The following CTNNA3 variants were observed in gnomAD, a reference collection of about 807,000 sequenced individuals.
The protein encoded by CTNNA3 is catenin alpha 3.
A neutral mutation model predicts 95.7 loss-of-function variants in CTNNA3; 76 were observed. The observed-to-expected ratio is 0.79, with a 90% CI of 0.66 to 0.96. The LOEUF (loss-of-function observed/expected upper bound fraction) is 0.96. Among genes scored for constraint, CTNNA3 ranks in the 40% least tolerant of loss-of-function variants. The pLI is 0.00. For missense variants in CTNNA3, 1,191 were observed against 1,089.8 expected, an observed-to-expected ratio of 1.09 and a Z score of -1.31; for synonymous variants, 431 against 374.4, an observed-to-expected ratio of 1.15 and a Z score of -1.74.
chr10:67,694,853 T>A (rs1328081912), intron 1 of CTNNA3, among the ~76,000 whole-genome samples: 4 of 152,174 alleles, frequency 2.6e-5, no homozygotes, highest in Non-Finnish European at 5.9e-5. Context: ...AATGCTTTTA[T>A]AATGAAAAAA....
intron 13 of CTNNA3, among the ~76,000 whole-genome samples, chr10:66,269,558 T>G (rs1255968834): frequency 6.6e-6 from 1 of 152,222 alleles, no homozygotes; most frequent in Non-Finnish European, 1.5e-5. Context: ...TTTTATGACT[T>G]TAATTAAATT....
chr10:67,083,078 G>A (rs1285530654), intron 7 of CTNNA3, among the ~76,000 whole-genome samples: 3 of 152,022 alleles, frequency 2.0e-5, no homozygotes, highest in Non-Finnish European at 2.9e-5. Flanking sequence ...GTGTGATCAG[G>A]GGACCAGTGA....
intron 7 of CTNNA3, among the ~76,000 whole-genome samples, chr10:67,089,717 A>ATGTGTGTGTGTGTGTGTGTGTGTGTGTG (rs71006125): frequency 6.9e-6 from 1 of 144,648 alleles, no homozygotes; most frequent in East Asian, 2.1e-4. Context: ...GTATATACAT[A>ATGTGTGTGTGTGTGTGTGTGTGTGTGTG]TGTGTGTGTG....
At chr10:67,504,655 C>T (rs1839378023) in intron 5 of CTNNA3, among the ~76,000 whole-genome samples, 1 of 152,072 alleles carries the variant, frequency 6.6e-6, no homozygotes, top group African/African-American at 2.4e-5. Flanking sequence ...TTGGTTAATA[C>T]CAAGTCTAAC....
intron 5 of CTNNA3, among the ~76,000 whole-genome samples, chr10:67,427,733 G>A (rs1056745424): frequency 5.9e-5 from 9 of 151,966 alleles, no homozygotes; most frequent in African/African-American, 1.9e-4. Flanking sequence ...GTGAGCTGGG[G>A]GTCTGAGGAT....
At chr10:67,487,948 G>A (rs1848506651) in intron 5 of CTNNA3, among the ~76,000 whole-genome samples, 1 of 152,242 alleles carries the variant, frequency 6.6e-6, no homozygotes, top group Non-Finnish European at 1.5e-5. Flanking sequence ...ACAGATGTGA[G>A]AGAATCTCTA....
intron 5 of CTNNA3, among the ~76,000 whole-genome samples, chr10:67,322,722 C>T (rs1841377967): frequency 6.6e-6 from 1 of 152,160 alleles, no homozygotes; most frequent in Admixed American, 6.6e-5. Context: ...AATTTATATT[C>T]CTTTCAGTAT....
At chr10:67,220,395 A>T (rs1156877358) in intron 5 of CTNNA3, among the ~76,000 whole-genome samples, 2 of 152,218 alleles carry the variant, frequency 1.3e-5, no homozygotes, top group Non-Finnish European at 2.9e-5. Flanking sequence ...TTCAACAATT[A>T]GTTACTGAGC....
intron 11 of CTNNA3, among the ~76,000 whole-genome samples, chr10:66,463,072 T>G (rs1298542823): frequency 6.6e-6 from 1 of 152,196 alleles, no homozygotes; most frequent in Non-Finnish European, 1.5e-5. Flanking sequence ...GCATTGCTAT[T>G]ACTTCTAAAT....
rs2077043556 is a variant in CTNNA3 at position 65,919,200 on chromosome 10, C to A, written c.*1130G>T. The A allele has an allele frequency of 6.6e-6, 1 of 152,030 alleles. No individual in the cohort carries two copies. Among genetic ancestry groups the A allele is most frequent in the Admixed American group, 6.6e-5 (1 of 15,242 alleles). The allele number at this position is 152,030 out of a possible 1,614,324, so 9.4% of individuals were successfully genotyped here. A position where few individuals can be genotyped will look rare whatever the true frequency, so the allele number is the denominator to read the frequency against. Reference sequence around the variant, plus strand: ...GAATGACAGAGAGAGGTACACTAGACTCTAAGACTATTATGAAGTCCATTA... The same window carrying A: ...GAATGACAGAGAGAGGTACACTAGAATCTAAGACTATTATGAAGTCCATTA... On this transcript the variant is annotated 3_prime_UTR_variant, in exon 18 of 18. Coordinates refer to ENST00000433211, the MANE Select transcript of CTNNA3 (RefSeq NM_013266.4).
intron 7 of CTNNA3, among the ~76,000 whole-genome samples, chr10:66,862,219 GA>G (rs368418784): frequency 4.0e-5 from 6 of 151,606 alleles, no homozygotes; most frequent in Non-Finnish European, 5.9e-5. Context: ...GTCTCAAAAA[GA>G]AAAAAACAAA....
intron 1 of CTNNA3, among the ~76,000 whole-genome samples, chr10:67,671,762 T>G (rs1271972190): frequency 2.6e-5 from 4 of 151,904 alleles, no homozygotes; most frequent in Non-Finnish European, 5.9e-5. Context: ...TCTATCGTTG[T>G]TGGACATTTG....
intron 1 of CTNNA3, among the ~76,000 whole-genome samples, chr10:67,754,688 G>T (rs1352993015): frequency 6.6e-6 from 1 of 152,072 alleles, no homozygotes; most frequent in Non-Finnish European, 1.5e-5. Flanking sequence ...AGACAACTGG[G>T]ATTTTATCAA....
At chr10:67,602,642 A>T (rs980298691) in intron 3 of CTNNA3, among the ~76,000 whole-genome samples, 9 of 152,216 alleles carry the variant, frequency 5.9e-5, no homozygotes, top group African/African-American at 1.9e-4. Context: ...CTTTAAAATA[A>T]CATCTTTTTT....
chr10:66,824,227 A>C (rs1325537594), intron 7 of CTNNA3, among the ~76,000 whole-genome samples: 1 of 152,128 alleles, frequency 6.6e-6, no homozygotes. Context: ...GTCGGCTAAG[A>C]CTGTACTTTG....
rs869093078 is a variant in CTNNA3, at chr10:66,595,333, TA to T, written c.1374+26358del. On this transcript the variant is annotated intron_variant, in intron 10 of 17. Coordinates refer to ENST00000433211, the MANE Select transcript of CTNNA3 (RefSeq NM_013266.4). ...TCCTTGTTGATTGATTGATCTTATT[TA>T]TTATTATTATTATTATTATTATTAT... is the stretch of plus-strand genomic sequence containing the variant. Among the ~76,000 whole-genome samples the T allele has an allele frequency of 9.1e-4, 32 of 34,994 alleles. No individual in the cohort carries two copies. The African/African-American group carries it at 9.8e-3, about 11-fold the overall frequency. The allele number at this position is 34,994 out of a possible 152,430, so 23.0% of individuals were successfully genotyped here.
chr10:66,566,711 T>C (rs771539746), intron 10 of CTNNA3, among the ~76,000 whole-genome samples: 1 of 151,976 alleles, frequency 6.6e-6, no homozygotes, highest in Non-Finnish European at 1.5e-5. Context: ...TTCCTGTGAC[T>C]CCTGAGTAGG....
upstream of CTNNA3, among the ~76,000 whole-genome samples, chr10:67,697,134 G>C (rs1370981558): frequency 6.6e-6 from 1 of 152,170 alleles, no homozygotes; most frequent in African/African-American, 2.4e-5. Context: ...CATTTTATAT[G>C]ATTTTCAGGA....
At chr10:66,742,851 C>T (rs1401022192) in intron 9 of CTNNA3, among the ~76,000 whole-genome samples, 1 of 152,166 alleles carries the variant, frequency 6.6e-6, no homozygotes, top group African/African-American at 2.4e-5. Flanking sequence ...GTCAGTATCT[C>T]TGGTGATGGA....
Sources: allele counts gnomAD v4.1 joint callset (sites outside exome capture counted in the v4.1 genomes callset), GRCh38; gene constraint gnomAD v4.1.1; transcripts MANE v1.5; gene names NCBI Gene and HGNC (gene_info 2026-07-23, HGNC 2026-07-21).